Variants in ARIH2 observed in about 807,000 individuals in gnomAD.
The protein encoded by ARIH2 is ariadne RBR E3 ubiquitin protein ligase 2, also known as E3 ubiquitin-protein ligase ARIH2.
Under a neutral mutation model 79.8 loss-of-function variants are expected in ARIH2, and 12 were observed. The ratio of observed to expected loss-of-function variants is 0.15; its 90% CI spans 0.10 to 0.24. The LOEUF is 0.24. ARIH2 is among the 10% of genes least tolerant of loss of function. ARIH2 has a pLI of 1.00. For missense variants in ARIH2, 301 were observed against 618.3 expected, an observed-to-expected ratio of 0.49 and a Z score of 5.44; for synonymous variants, 224 against 213.9, an observed-to-expected ratio of 1.05 and a Z score of -0.41.
chr3:48,981,016 C>CAAAA lies in ARIH2; in HGVS notation c.1257+543_1257+546dup, dbSNP rs34533467. On this transcript the variant is annotated intron_variant, in intron 13 of 15. Transcript: ENST00000356401. ...AGCCTGGGTGACAAAGCAAGACTGTCAAAAAAAAAAAAAAAAAAAAAAAAA... is the reference window on the plus strand; with the variant it reads ...AGCCTGGGTGACAAAGCAAGACTGTCAAAAAAAAAAAAAAAAAAAAAAAAAAAAA... Among the ~76,000 whole-genome samples, 15 of 30,138 alleles carry CAAAA rather than the reference C, an allele frequency of 5.0e-4. 1 individual carries two copies. Among genetic ancestry groups the CAAAA allele is most frequent in the African/African-American group, 1.7e-3 (12 of 7,160 alleles). The allele number at this position is 30,138 out of a possible 152,430, so 19.8% of individuals were successfully genotyped here. A position where few individuals can be genotyped will look rare whatever the true frequency, so the allele number is the denominator to read the frequency against.
intron 7 of ARIH2, among the ~76,000 whole-genome samples, chr3:48,969,200 T>G (rs1369497009): frequency 6.7e-6 from 1 of 149,790 alleles, no homozygotes; most frequent in African/African-American, 2.5e-5. Context: ...TTTTTTAACC[T>G]CTGAGTCTTG....
At position 48,977,217 on chromosome 3, in the gene ARIH2, A is replaced by G. The variant is rs561268200; in HGVS notation, c.961+2238A>G. Among the ~76,000 whole-genome samples, 10 of 151,920 alleles carry G rather than the reference A, an allele frequency of 6.6e-5. 2 individuals are homozygous for G. The highest frequency in any genetic ancestry group is 2.4e-4 in the African/African-American group (10 of 41,498). On this transcript the variant is annotated intron_variant, in intron 11 of 15. Transcript: ENST00000356401. ...ACTCCGTCTCAAAAACAAACAAACA[A>G]ACAAAAAACTGCCATCTCTTTCTTT...
At chr3:48,924,307 C>G (rs2085258362) in intron 2 of ARIH2, among the ~76,000 whole-genome samples, 1 of 151,482 alleles carries the variant, frequency 6.6e-6, no homozygotes, top group Non-Finnish European at 1.5e-5. Context: ...ATGTGAGCCA[C>G]TGTACGTGGG....
rs540819132 is a variant in ARIH2 at position 48,926,923 on chromosome 3, T to G, written c.-97-539T>G. 2.6e-5 allele frequency: 4 copies of G among 153,048 alleles called. No homozygotes were observed. The East Asian group carries it at 5.8e-4, about 22-fold the overall frequency. The allele number at this position is 153,048 out of a possible 1,614,324, so 9.5% of individuals were successfully genotyped here. On this transcript the variant is annotated intron_variant, in intron 2 of 15. Coordinates refer to ENST00000356401, the MANE Select transcript of ARIH2 (RefSeq NM_006321.4). ...GAGGATGTTGAACACCTATGTGTGT[T>G]TTTTTTTTCTTTACCAACTATGCAC...
At chr3:48,957,802 G>T (rs994044338) in intron 3 of ARIH2, among the ~76,000 whole-genome samples, 6 of 152,098 alleles carry the variant, frequency 3.9e-5, no homozygotes, top group Non-Finnish European at 8.8e-5. Context: ...TACAACCTCC[G>T]CCTCCCGGGT....
At chr3:48,956,517 G>A (rs896873086) in intron 3 of ARIH2, among the ~76,000 whole-genome samples, 2 of 119,898 alleles carry the variant, frequency 1.7e-5, no homozygotes, top group Non-Finnish European at 3.3e-5. Context: ...CTGTGGTGTT[G>A]AACTCCTGGG....
chr3:48,932,939 G>T (rs1249810394), intron 3 of ARIH2, among the ~76,000 whole-genome samples: 1 of 152,166 alleles, frequency 6.6e-6, no homozygotes, highest in African/African-American at 2.4e-5. Flanking sequence ...ATGGGCATGG[G>T]AGTGGGAGGG....
intron 3 of ARIH2, chr3:48,943,229 C>A (rs2088599633): frequency 6.6e-6 from 1 of 152,148 alleles, no homozygotes; most frequent in Non-Finnish European, 1.5e-5. Flanking sequence ...CTTCAGGCTC[C>A]AGCCTGATTT....
chr3:48,938,331 G>A (rs2087478446), intron 3 of ARIH2, among the ~76,000 whole-genome samples: 1 of 152,066 alleles, frequency 6.6e-6, no homozygotes, highest in South Asian at 2.1e-4. Flanking sequence ...AGATGTCTGT[G>A]GTAGTTTTAT....
At chr3:48,919,714 A>G (rs9850134) in intron 1 of ARIH2, among the ~76,000 whole-genome samples, 100,613 of 152,138 alleles carry the variant, frequency 0.66, 33,960 homozygotes, top group East Asian at 0.96. Flanking sequence ...AAATAACCAC[A>G]TGTGGCTAGT....
At position 48,983,051 on chromosome 3, in the gene ARIH2, G is replaced by C; in HGVS notation, c.1410+72G>C. On this transcript the variant is annotated intron_variant, in intron 15 of 15. Coordinates refer to ENST00000356401, the MANE Select transcript of ARIH2 (RefSeq NM_006321.4). ...TGGCATGGTAATAGGTGACAGCGTT[G>C]TTGGCTTGTGCACTGGTAGCTGCTG... The C allele has an allele frequency of 3.9e-6, 6 of 1,534,588 alleles. No homozygotes were observed. In the South Asian group the frequency reaches 6.7e-5, roughly 17 times the overall value.
Position 48,919,238 on chromosome 3 carries a change from C to T in ARIH2, c.-162+240C>T. ...AGCTCTCGGAAAGGTCAGAGGCCAC[C>T]GCCTCTGACCAACCGGCGCCGGCAC... On this transcript the variant is annotated intron_variant, in intron 1 of 15. Coordinates refer to ENST00000356401, the MANE Select transcript of ARIH2 (RefSeq NM_006321.4). 3 of 1,232,974 alleles carry T rather than the reference C, an allele frequency of 2.4e-6. No individual in the cohort carries two copies. The African/African-American group carries it at 4.7e-5, about 19-fold the overall frequency. 76.4% of individuals were successfully genotyped at this position (1,232,974 alleles called of 1,614,324 possible).
At chr3:48,949,370 G>T (rs1485139052) in intron 3 of ARIH2, among the ~76,000 whole-genome samples, 1 of 152,136 alleles carries the variant, frequency 6.6e-6, no homozygotes, top group African/African-American at 2.4e-5. Flanking sequence ...CGCCTGCCTT[G>T]GCCTGGGATT....
At chr3:48,924,481 A>G (rs1325193958) in intron 2 of ARIH2, among the ~76,000 whole-genome samples, 2 of 151,404 alleles carry the variant, frequency 1.3e-5, no homozygotes, top group African/African-American at 4.9e-5. Context: ...AGCCAGGACT[A>G]CAGACGCATG....
At chr3:48,972,673 C>T (rs2092302157) in intron 8 of ARIH2, among the ~76,000 whole-genome samples, 1 of 152,056 alleles carries the variant, frequency 6.6e-6, no homozygotes. Flanking sequence ...ACAGGGTCTT[C>T]CTATGTTGCC....
intron 1 of ARIH2, among the ~76,000 whole-genome samples, chr3:48,920,940 T>G (rs147248364): frequency 0.02 from 1,355 of 68,332 alleles, 429 homozygotes; most frequent in African/African-American, 0.059. Flanking sequence ...TGGAACAAGA[T>G]CAGCACTTTT....
Position 48,941,694 on chromosome 3 carries a change from G to A in ARIH2, c.255+13881G>A, listed in dbSNP as rs1279951376. 3.4e-5 allele frequency among the ~76,000 whole-genome samples: 5 copies of A among 149,248 alleles called. No homozygotes were observed. In the East Asian group the frequency reaches 5.9e-4, roughly 18 times the overall value. On this transcript the variant is annotated intron_variant, in intron 3 of 15. Transcript: ENST00000356401. ...TGCAAGCTCCACCTCCCGGGTTCAC[G>A]CCATTCTCCTGCCTCAGCTTCCCGA... is the stretch of plus-strand genomic sequence containing the variant.
Position 48,975,692 on chromosome 3 carries a change from A to G in ARIH2, c.961+713A>G, listed in dbSNP as rs577107175. On this transcript the variant is annotated intron_variant, in intron 11 of 15. Coordinates refer to ENST00000356401, the MANE Select transcript of ARIH2 (RefSeq NM_006321.4). Reference sequence around the variant, plus strand: ...CAGTTCTCCTGCCTCAGCCTTCCAAATAGCTGGGATTACAGGCATCTTCCA... The same window carrying G: ...CAGTTCTCCTGCCTCAGCCTTCCAAGTAGCTGGGATTACAGGCATCTTCCA... Among the ~76,000 whole-genome samples, 432 of 148,902 alleles carry G rather than the reference A, an allele frequency of 2.9e-3. 4 individuals carry two copies. The highest frequency in any genetic ancestry group is 0.01 in the African/African-American group (410 of 40,424).
chr3:48,925,607 A>G (rs1479160716), intron 2 of ARIH2, among the ~76,000 whole-genome samples: 2 of 151,550 alleles, frequency 1.3e-5, no homozygotes, highest in East Asian at 1.9e-4. Context: ...CAGATTACCT[A>G]CTTCAAGTAG....
Sources: gnomAD v4.1 joint callset for allele counts (sites outside exome capture counted in the v4.1 genomes callset) on GRCh38, gnomAD v4.1.1 for gene constraint, MANE v1.5 for transcripts, NCBI Gene and HGNC (gene_info 2026-07-23, HGNC 2026-07-21) for gene names.